Variants in USP10 observed in about 807,000 individuals in gnomAD.
USP10 encodes the protein ubiquitin specific peptidase 10, also known as ubiquitin carboxyl-terminal hydrolase 10.
In USP10, 22 loss-of-function variants were observed where a neutral mutation model predicts 84.5. The observed-to-expected ratio is 0.26, with a 90% CI of 0.19 to 0.37. The LOEUF (loss-of-function observed/expected upper bound fraction) is 0.37, where lower values mean the gene tolerates loss of function less well. USP10 is among the 10% of genes least tolerant of loss of function. The pLI, the probability that USP10 is intolerant of heterozygous loss-of-function variation, is 1.00. For missense variants in USP10, 1,019 were observed against 998.9 expected, an observed-to-expected ratio of 1.02 and a Z score of -0.27; for synonymous variants, 454 against 387.6, an observed-to-expected ratio of 1.17 and a Z score of -2.01.
rs141243064 is a variant in USP10, at chr16:84,755,478, G to A, written c.1193-3238G>A. Among the ~76,000 whole-genome samples, 380 of 151,912 alleles carry A rather than the reference G, an allele frequency of 2.5e-3. 1 individual carries two copies. The highest frequency in any genetic ancestry group is 8.6e-3 in the African/African-American group (355 of 41,420). On this transcript the variant is annotated intron_variant, in intron 4 of 13. Coordinates refer to ENST00000219473, the MANE Select transcript of USP10 (RefSeq NM_005153.3). ...CCCCACTCCTACACGCTGCCCCTGC[G>A]TGCTTCTCACTTCTCTACCCTTCCA...
At chr16:84,731,080 A>G (rs1344696636) in intron 1 of USP10, among the ~76,000 whole-genome samples, 2 of 150,108 alleles carry the variant, frequency 1.3e-5, no homozygotes, top group African/African-American at 2.5e-5. Context: ...CCCGGGTTCA[A>G]GCGATTCTCC....
At chr16:84,750,564 C>G (rs1361161397) in intron 4 of USP10, among the ~76,000 whole-genome samples, 1 of 152,158 alleles carries the variant, frequency 6.6e-6, no homozygotes, top group Non-Finnish European at 1.5e-5. Flanking sequence ...GAACATGTGA[C>G]GTTTGAAATT....
intron 4 of USP10, among the ~76,000 whole-genome samples, chr16:84,748,596 G>C (rs763132865): frequency 6.6e-6 from 1 of 152,090 alleles, no homozygotes; most frequent in African/African-American, 2.4e-5. Context: ...GAGCCACCGC[G>C]CCCAGCTGAG....
intron 4 of USP10, among the ~76,000 whole-genome samples, chr16:84,745,987 A>G (rs527481423): frequency 4.3e-4 from 66 of 152,282 alleles, no homozygotes; most frequent in African/African-American, 1.4e-3. Flanking sequence ...TGTATAATGG[A>G]CTTTTTCTGT....
rs181695088 is a variant in USP10, at chr16:84,706,791, C to T, written c.21+6680C>T. Among the ~76,000 whole-genome samples, 26 of 152,164 alleles carry T rather than the reference C, an allele frequency of 1.7e-4. No homozygotes were observed. In the East Asian group the frequency reaches 4.8e-3, roughly 28 times the overall value. On this transcript the variant is annotated intron_variant, in intron 1 of 13. Coordinates refer to ENST00000219473, the MANE Select transcript of USP10 (RefSeq NM_005153.3). ...TCCTGACCTCGGGATCTGCCCACCTCGGCCTCCCAGAGTGCTGGGATTACA... is the reference window on the plus strand; with the variant it reads ...TCCTGACCTCGGGATCTGCCCACCTTGGCCTCCCAGAGTGCTGGGATTACA...
rs116084310 is a variant in USP10 at position 84,756,854 on chromosome 16, A to G, written c.1193-1862A>G. On this transcript the variant is annotated intron_variant, in intron 4 of 13. Transcript: ENST00000219473. ...GTTGTGATGATATGGTTTAAAGACA[A>G]ATGTAAAAATCCACTGTCAATAGAC... 8.1e-3 allele frequency among the ~76,000 whole-genome samples: 1,228 copies of G among 152,336 alleles called. 9 individuals are homozygous for G. Among genetic ancestry groups the G allele is most frequent in the African/African-American group, 0.028 (1,170 of 41,578 alleles).
At chr16:84,774,208 A>G (rs1372141615) in intron 12 of USP10, among the ~76,000 whole-genome samples, 2 of 151,788 alleles carry the variant, frequency 1.3e-5, no homozygotes, top group Non-Finnish European at 2.9e-5. Flanking sequence ...ATGCCACTGC[A>G]CTCCAGCCTG....
intron 1 of USP10, among the ~76,000 whole-genome samples, chr16:84,728,609 G>A (rs936540706): frequency 3.3e-5 from 5 of 152,060 alleles, no homozygotes; most frequent in Non-Finnish European, 5.9e-5. Flanking sequence ...GATTACAGGC[G>A]TGAGCCACCG....
In USP10 at chr16:84,733,523, T is replaced by C. The variant is rs199541791; in HGVS notation, c.90+20T>C. On this transcript the variant is annotated intron_variant, in intron 2 of 13. Coordinates refer to ENST00000219473, the MANE Select transcript of USP10 (RefSeq NM_005153.3). The stretch of plus-strand genomic sequence containing the variant: ...GTTGAGGTAAGACAAAACTTTGTTT[T>C]AGTGAGTCCGTGGGTAGATACAATT... The C allele has an allele frequency of 3.2e-6, 5 of 1,575,854 alleles. No homozygotes were observed. The highest frequency in any genetic ancestry group is 1.1e-5 in the South Asian group (1 of 88,402).
At chr16:84,772,458 C>A in intron 11 of USP10, 83 bp from the exon 12 acceptor site, 1 of 1,577,466 alleles carries the variant, frequency 6.3e-7, no homozygotes, top group Non-Finnish European at 8.7e-7. Context: ...TCTCAGAGGA[C>A]GTCTTTGAGC....
chr16:84,779,661 C>A lies in USP10; in HGVS notation c.*579C>A, dbSNP rs15036. On this transcript the variant is annotated 3_prime_UTR_variant, in exon 14 of 14. Coordinates refer to ENST00000219473, the MANE Select transcript of USP10 (RefSeq NM_005153.3). ...AACTGCTTACGTACACATTGCAGAT[C>A]AAATATTTGGAGTTAAAATGTTAGT... The A allele has an allele frequency of 1.3e-5, 2 of 152,730 alleles. No homozygotes were observed. Among genetic ancestry groups the A allele is most frequent in the African/African-American group, 4.8e-5 (2 of 41,430 alleles). The allele number at this position is 152,730 out of a possible 1,614,324, so 9.5% of individuals were successfully genotyped here.
At chr16:84,761,621 G>C (rs1024040062) in intron 8 of USP10, among the ~76,000 whole-genome samples, 1 of 152,230 alleles carries the variant, frequency 6.6e-6, no homozygotes, top group African/African-American at 2.4e-5. Context: ...TACAGACTCC[G>C]TGTCCAGAGT....
At position 84,775,185 on chromosome 16, in the gene USP10, T is replaced by C; in HGVS notation, c.2169T>C (p.Asn723=). The C allele has an allele frequency of 6.2e-7, 1 of 1,613,792 alleles. No individual in the cohort carries two copies. Among genetic ancestry groups the C allele is most frequent in the Non-Finnish European group, 8.5e-7 (1 of 1,179,704 alleles). The change falls in exon 13 of 14, where the codon AAT becomes AAC. Residue 723 remains asparagine (N), a synonymous_variant. Coordinates refer to ENST00000219473, the MANE Select transcript of USP10 (RefSeq NM_005153.3). ...SKELLSPGVK[N]KNFKCHRTYR... Reference sequence around the variant, plus strand: ...AACTGCTTTCTCCAGGGGTTAAAAATAAGAATTTTAAATGCCACCGAACCT... The same window carrying C: ...AACTGCTTTCTCCAGGGGTTAAAAACAAGAATTTTAAATGCCACCGAACCT...
Position 84,745,008 on chromosome 16 carries a change from T to C in USP10, c.527T>C (p.Leu176Pro). 6.2e-7 allele frequency: 1 copy of C among 1,613,818 alleles called. No homozygotes were observed. Among genetic ancestry groups the C allele is most frequent in the Non-Finnish European group, 8.5e-7 (1 of 1,179,720 alleles). Residue 176 changes from leucine (L) to proline (P), a missense_variant, in exon 4 of 14, where the codon CTG (leucine) becomes CCG (proline). Leu to Pro is a moderately conservative substitution (Grantham distance 98). Coordinates refer to ENST00000219473, the MANE Select transcript of USP10 (RefSeq NM_005153.3). Reference protein sequence around the residue: ...GGDDSISTEALVNGHANSAVP... With the variant: ...GGDDSISTEAPVNGHANSAVP... ...GATGATAGTATCTCCACAGAAGCCC[T>C]GGTCAATGGCCATGCCAATTCAGCA...
chr16:84,743,248 A>G (rs1910830827), intron 3 of USP10, among the ~76,000 whole-genome samples: 1 of 152,224 alleles, frequency 6.6e-6, no homozygotes, highest in Admixed American at 6.5e-5. Flanking sequence ...GTTAGGTGTA[A>G]TCGTCATCAG....
intron 1 of USP10, among the ~76,000 whole-genome samples, chr16:84,724,176 G>A (rs1461258782): frequency 3.9e-5 from 6 of 152,314 alleles, no homozygotes; most frequent in Admixed American, 2.0e-4. Flanking sequence ...TAAGAGCAAA[G>A]CGAGTTAAAA....
rs1301345239 is a variant in USP10 at position 84,768,342 on chromosome 16, C to G, written c.1982C>G (p.Thr661Arg). ...VARESVQGYT[T>R]KTKQEVEISR... ...AGAGAATCTGTCCAAGGTTATACCA[C>G]AAAAACCAAACAAGAGGTATGTTCA... The change falls in exon 11 of 14, where the codon ACA (threonine) becomes AGA (arginine). Residue 661 changes from threonine to arginine, a missense_variant. Physicochemically the swap from Thr to Arg is moderately conservative, Grantham distance 71 (BLOSUM62 -1). Around this residue, in one of 2 missense-constraint regions of USP10, gnomAD observed 232 missense variants for 290.1 expected, o/e 0.80. Coordinates refer to ENST00000219473, the MANE Select transcript of USP10 (RefSeq NM_005153.3). 1 of 1,602,752 alleles carries G rather than the reference C, an allele frequency of 6.2e-7. No individual in the cohort carries two copies. The highest frequency in any genetic ancestry group is 1.3e-5 in the African/African-American group (1 of 74,668).
rs535711367 is a variant in USP10 at position 84,744,612 on chromosome 16, A to G, written c.152-21A>G. The G allele has an allele frequency of 3.2e-6, 5 of 1,570,576 alleles. No homozygotes were observed. The Admixed American group carries it at 5.7e-5, about 18-fold the overall frequency. ...AGTTTGTAGAACTGGGTTCTTAACT[A>G]ATAGTTTTCTTTCTAAACAGGACAA... is the stretch of plus-strand genomic sequence containing the variant. On this transcript the variant is annotated intron_variant, in intron 3 of 13. Transcript: ENST00000219473.
chr16:84,718,299 G>C (rs562351180), intron 1 of USP10, among the ~76,000 whole-genome samples: 1 of 152,284 alleles, frequency 6.6e-6, no homozygotes, highest in Non-Finnish European at 1.5e-5. Context: ...TGTGACCCAA[G>C]ATAGAGTGCA....
Sources: allele counts gnomAD v4.1 joint callset (sites outside exome capture counted in the v4.1 genomes callset), GRCh38; gene constraint gnomAD v4.1.1; regional missense constraint gnomAD v4.1.1; transcripts MANE v1.5; gene names NCBI Gene and HGNC (gene_info 2026-07-23, HGNC 2026-07-21).